Variants in NSD3 observed in about 807,000 individuals in gnomAD.
The protein encoded by NSD3 is histone-lysine N-methyltransferase NSD3.
In NSD3, 24 loss-of-function variants were observed where a neutral mutation model predicts 160.8. The ratio of observed to expected loss-of-function variants is 0.15; its 90% CI spans 0.11 to 0.21. The LOEUF is 0.21. Among genes scored for constraint, NSD3 ranks in the 10% least tolerant of loss-of-function variants. The probability of loss-of-function intolerance (pLI) is 1.00; values close to 1 mark genes in which losing one functional copy is unlikely to be tolerated. For synonymous variants in NSD3, 520 were observed against 600.0 expected, an observed-to-expected ratio of 0.87 and a Z score of 1.95; for missense variants, 1,157 against 1,735.9, an observed-to-expected ratio of 0.67 and a Z score of 5.93.
rs1585868607 is a variant in NSD3 at position 38,301,810 on chromosome 8, GATA to G, written c.2612-2223_2612-2221del. Among the ~76,000 whole-genome samples the G allele has an allele frequency of 2.6e-5, 4 of 152,316 alleles. No homozygotes were observed. In the East Asian group the frequency reaches 7.7e-4, roughly 29 times the overall value. ...TAGGGAAACTGTGGCAATTCATTCA[GATA>G]ATGTTTAGTAAAGTTTGACTTACAT... is the stretch of plus-strand genomic sequence containing the variant. On this transcript the variant is annotated intron_variant, in intron 14 of 23. Transcript: ENST00000317025.
chr8:38,299,470 G>A lies in NSD3; in HGVS notation c.2732C>T (p.Ser911Leu). 6.2e-7 allele frequency: 1 copy of A among 1,612,390 alleles called. No homozygotes were observed. The highest frequency in any genetic ancestry group is 8.5e-7 in the Non-Finnish European group (1 of 1,179,518). The change falls in exon 15 of 24, where the codon TCA (serine) becomes TTA (leucine). Residue 911 changes from serine to leucine, a missense_variant. Physicochemically the swap from Ser to Leu is moderately radical, Grantham distance 145 (BLOSUM62 -2). Around this residue, in one of 10 missense-constraint regions of NSD3, gnomAD observed 437 missense variants for 576.6 expected, o/e 0.76. Transcript: ENST00000317025. Reference protein sequence around the residue: ...LMKLPMIPSSSASKKKCEKGG... With the variant: ...LMKLPMIPSSLASKKKCEKGG... ...TTTCTCACATTTCTTTTTGGAAGCTGACGAAGAAGGAATCATAGGTAATTT... is the reference window on the plus strand; with the variant it reads ...TTTCTCACATTTCTTTTTGGAAGCTAACGAAGAAGGAATCATAGGTAATTT...
At chr8:38,374,482 C>T (rs573910000) in intron 1 of NSD3, among the ~76,000 whole-genome samples, 22 of 151,780 alleles carry the variant, frequency 1.4e-4, no homozygotes, top group African/African-American at 5.1e-4. Context: ...CAGAGCCCGG[C>T]GCAGTGGCAC....
At chr8:38,333,378 AC>A (rs1283249704) in intron 4 of NSD3, among the ~76,000 whole-genome samples, 2 of 152,352 alleles carry the variant, frequency 1.3e-5, no homozygotes, top group African/African-American at 4.8e-5. Context: ...GAAGCTACAG[AC>A]CTGAAAAGTC....
At chr8:38,291,710 C>G (rs186467179) in intron 16 of NSD3, among the ~76,000 whole-genome samples, 1 of 152,256 alleles carries the variant, frequency 6.6e-6, no homozygotes, top group East Asian at 1.9e-4. Flanking sequence ...TATTTCTAAA[C>G]AACTTTAAGG....
At chr8:38,376,966 G>A (rs1473304679) in intron 1 of NSD3, among the ~76,000 whole-genome samples, 1 of 151,884 alleles carries the variant, frequency 6.6e-6, no homozygotes, top group Admixed American at 6.6e-5. Context: ...AATGTTAATC[G>A]ATGTTTTAAA....
chr8:38,369,966 G>A (rs975546023), intron 1 of NSD3, among the ~76,000 whole-genome samples: 2 of 151,930 alleles, frequency 1.3e-5, no homozygotes, highest in Admixed American at 1.3e-4. Flanking sequence ...GCTAATTTTT[G>A]TATTTTTAGT....
At chr8:38,348,804 G>C (rs538386828) in intron 1 of NSD3, among the ~76,000 whole-genome samples, 1 of 151,990 alleles carries the variant, frequency 6.6e-6, no homozygotes, top group African/African-American at 2.4e-5. Flanking sequence ...TGGGACTCAG[G>C]CATGCACCAC....
chr8:38,291,941 C>A (rs1466883018), intron 16 of NSD3, among the ~76,000 whole-genome samples: 1 of 152,128 alleles, frequency 6.6e-6, no homozygotes, highest in Non-Finnish European at 1.5e-5. Flanking sequence ...CCAAAACATA[C>A]AAGAAGAATC....
chr8:38,343,757 A>G (rs1810442131), intron 2 of NSD3, among the ~76,000 whole-genome samples: 1 of 152,202 alleles, frequency 6.6e-6, no homozygotes, highest in African/African-American at 2.4e-5. Context: ...AACATTTTGC[A>G]TATAAAGAGT....
intron 12 of NSD3, among the ~76,000 whole-genome samples, chr8:38,308,790 T>C (rs1235338647): frequency 6.6e-6 from 1 of 151,984 alleles, no homozygotes; most frequent in East Asian, 1.9e-4. Flanking sequence ...CACTCCAGCC[T>C]GGGCGACAGA....
rs528191491 is a variant in NSD3, at chr8:38,270,082, T to A, written c.*5559A>T. The A allele has an allele frequency of 6.6e-6, 1 of 152,330 alleles. No homozygotes were observed. The highest frequency in any genetic ancestry group is 1.9e-4 in the East Asian group (1 of 5,194). 9.4% of individuals were successfully genotyped at this position (152,330 alleles called of 1,614,324 possible). On this transcript the variant is annotated 3_prime_UTR_variant, in exon 24 of 24. Coordinates refer to ENST00000317025, the MANE Select transcript of NSD3 (RefSeq NM_023034.2). ...TTGAAGTCTATGTGGCAACATCAAG[T>A]CATTATACAGTAATGCCCTAGTGGA...
intron 1 of NSD3, among the ~76,000 whole-genome samples, chr8:38,368,408 C>T (rs1032735307): frequency 6.6e-6 from 1 of 152,148 alleles, no homozygotes; most frequent in African/African-American, 2.4e-5. Context: ...TGATTAAAGA[C>T]ATTAAAATAT....
At position 38,318,335 on chromosome 8, in the gene NSD3, C is replaced by T. The variant is rs1809717736; in HGVS notation, c.1855+560G>A. Among the ~76,000 whole-genome samples the T allele has an allele frequency of 6.6e-6, 1 of 152,164 alleles. No individual in the cohort carries two copies. Among genetic ancestry groups the T allele is most frequent in the African/African-American group, 2.4e-5 (1 of 41,442 alleles). ...GAGTTTGTACTGTAGTCAAATTGCACACAGAAAATACAGATATAAGTTTAA... is the reference window on the plus strand; with the variant it reads ...GAGTTTGTACTGTAGTCAAATTGCATACAGAAAATACAGATATAAGTTTAA... On this transcript the variant is annotated intron_variant, in intron 9 of 23. Coordinates refer to ENST00000317025, the MANE Select transcript of NSD3 (RefSeq NM_023034.2). The surrounding 1 kb of genome is among the most constrained non-coding windows in gnomAD (Gnocchi z 5.3).
At chr8:38,293,773 A>C (rs1809065022) in intron 16 of NSD3, among the ~76,000 whole-genome samples, 1 of 151,602 alleles carries the variant, frequency 6.6e-6, no homozygotes, top group Non-Finnish European at 1.5e-5. Flanking sequence ...AATTACAAAA[A>C]TTAGCCAGGC....
rs1360657899 is a variant in NSD3 at position 38,288,296 on chromosome 8, A to T, written c.3501+191T>A. ...ACTAGCCACTGGACACTCAAAGTTTAAGCACATTTTATCACTATCTTCTTC... is the reference window on the plus strand; with the variant it reads ...ACTAGCCACTGGACACTCAAAGTTTTAGCACATTTTATCACTATCTTCTTC... On this transcript the variant is annotated intron_variant, in intron 19 of 23. Coordinates refer to ENST00000317025, the MANE Select transcript of NSD3 (RefSeq NM_023034.2). The surrounding 1 kb of genome is among the most constrained non-coding windows in gnomAD (Gnocchi z 4.5). Among the ~76,000 whole-genome samples the T allele has an allele frequency of 1.3e-5, 2 of 152,194 alleles. No homozygotes were observed. The highest frequency in any genetic ancestry group is 2.9e-5 in the Non-Finnish European group (2 of 68,034).
intron 1 of NSD3, among the ~76,000 whole-genome samples, chr8:38,359,475 A>AT (rs1296558085): frequency 6.6e-6 from 1 of 152,186 alleles, no homozygotes; most frequent in Non-Finnish European, 1.5e-5. Flanking sequence ...CACCCCACAC[A>AT]TACACAAGAA....
intron 1 of NSD3, among the ~76,000 whole-genome samples, chr8:38,368,619 A>G (rs1811164372): frequency 6.6e-6 from 1 of 152,158 alleles, no homozygotes; most frequent in Non-Finnish European, 1.5e-5. Context: ...TCCTGACTAA[A>G]CCACATTACT....
chr8:38,315,567 TTA>T (rs1425394485), intron 10 of NSD3, 23 bp from the exon 11 acceptor site: 4 of 1,610,410 alleles, frequency 2.5e-6, no homozygotes, highest in South Asian at 1.1e-5. Flanking sequence ...CATAGCATTT[TTA>T]AGAAAAACAA....
chr8:38,326,046 G>A (rs1348288418), intron 7 of NSD3, among the ~76,000 whole-genome samples: 1 of 151,856 alleles, frequency 6.6e-6, no homozygotes, highest in Non-Finnish European at 1.5e-5. Context: ...TACTCAGGAG[G>A]CTGAGGCAGG....
Sources: allele counts gnomAD v4.1 joint callset (sites outside exome capture counted in the v4.1 genomes callset), GRCh38; gene constraint gnomAD v4.1.1; regional missense constraint gnomAD v4.1.1; non-coding constraint Gnocchi (gnomAD v3.1); transcripts MANE v1.5; gene names NCBI Gene and HGNC (gene_info 2026-07-23, HGNC 2026-07-21).